FGL1: variants seen among roughly 807,000 people sequenced by gnomAD.
The protein encoded by FGL1 is fibrinogen-like protein 1.
Under a neutral mutation model 43.7 loss-of-function variants are expected in FGL1, and 59 were observed. The ratio of observed to expected loss-of-function variants is 1.35; its 90% CI spans 1.10 to 1.68. FGL1 has a LOEUF of 1.68. Ranked by LOEUF, FGL1 falls within the 40% of genes most tolerant of loss-of-function variation. The probability of loss-of-function intolerance (pLI) is 0.00; values close to 1 mark genes in which losing one functional copy is unlikely to be tolerated. For missense variants in FGL1, 596 were observed against 373.0 expected, an observed-to-expected ratio of 1.60 and a Z score of -4.92; for synonymous variants, 192 against 126.5, an observed-to-expected ratio of 1.52 and a Z score of -3.48.
intron 5 of FGL1, 66 bp downstream of exon 5, chr8:17,873,953 T>C (rs1011170219): frequency 7.2e-6 from 9 of 1,252,154 alleles, no homozygotes; most frequent in Non-Finnish European, 9.8e-6. Context: ...TATAATTTGG[T>C]TAAAAAAAAA....
At chr8:17,876,155 T>C (rs945991846) in intron 3 of FGL1, among the ~76,000 whole-genome samples, 1 of 152,204 alleles carries the variant, frequency 6.6e-6, no homozygotes, top group Non-Finnish European at 1.5e-5. Flanking sequence ...TTTACCCTTA[T>C]CGCTTTGTTA....
Position 17,874,009 on chromosome 8 carries a change from C to T in FGL1, c.502+10G>A, listed in dbSNP as rs961830746. On this transcript the variant is annotated intron_variant, in intron 5 of 7. Transcript: ENST00000427924. ...TATTTCAAATAAATCTGACATCATT[C>T]AAACCTTACCTTGAGTGGTCAAGAA... 7 of 1,570,330 alleles carry T rather than the reference C, an allele frequency of 4.5e-6. No homozygotes were observed. In the Admixed American group the frequency reaches 6.1e-5, roughly 14 times the overall value.
intron 5 of FGL1, 81 bp downstream of exon 5, chr8:17,873,918 CAATTATTGAATTAGTTCCAT>C: frequency 2.9e-6 from 2 of 689,832 alleles, no homozygotes; most frequent in Non-Finnish European, 4.5e-6. Context: ...CAAATCATAG[CAATTATTGAATTAGTTCCAT>C]TGCCTATAAT....
In FGL1 at chr8:17,864,706, G is replaced by T; in HGVS notation, c.825C>A (p.Tyr275Ter). The change falls in exon 8 of 8, where the codon TAC becomes TAA. Residue 275 changes from tyrosine to a stop codon, truncating the protein, a stop_gained. Coordinates refer to ENST00000427924, the MANE Select transcript of FGL1 (RefSeq NM_004467.4). LOFTEE classifies it high-confidence loss of function. ...NLNGVYYSGP[Y>*]TAKTDNGIVW... ...CAATCCCATTGTCTGTTTTAGCCGT[G>T]TAGGGGCCGCTGTAGTATACACCAT... 6.2e-7 allele frequency: 1 copy of T among 1,612,738 alleles called. No homozygotes were observed. Among genetic ancestry groups the T allele is most frequent in the Non-Finnish European group, 8.5e-7 (1 of 1,179,620 alleles).
At position 17,864,662 on chromosome 8, in the gene FGL1, C is replaced by T. The variant is rs1173998974; in HGVS notation, c.869G>A (p.Gly290Glu). Residue 290 changes from glycine (G) to glutamate (E), a missense_variant, in exon 8 of 8, where the codon GGG (glycine) becomes GAG (glutamate). Transcript: ENST00000427924. The part of the protein sequence containing the change: ...DNGIVWYTWH[G>E]WWYSLKSVVM... Reference sequence around the variant, plus strand: ...CACAGATTTCAGAGAATACCACCACCCATGCCAGGTGTACCAGACAATCCC... The same window carrying T: ...CACAGATTTCAGAGAATACCACCACTCATGCCAGGTGTACCAGACAATCCC... 1.2e-6 allele frequency: 2 copies of T among 1,613,790 alleles called. No individual in the cohort carries two copies. The highest frequency in any genetic ancestry group is 3.3e-5 in the Admixed American group (2 of 59,902).
intron 3 of FGL1, among the ~76,000 whole-genome samples, chr8:17,879,353 G>C (rs749036011): frequency 1.3e-5 from 2 of 152,044 alleles, no homozygotes; most frequent in Non-Finnish European, 2.9e-5. Context: ...CTCCCCAGCA[G>C]TGTCAACACA....
intron 3 of FGL1, among the ~76,000 whole-genome samples, chr8:17,879,529 A>T (rs995198260): frequency 6.6e-6 from 1 of 152,036 alleles, no homozygotes; most frequent in African/African-American, 2.4e-5. Flanking sequence ...GGTACTCTAC[A>T]GTGAGTGGTG....
intron 1 of FGL1, among the ~76,000 whole-genome samples, chr8:17,888,445 T>G (rs566113407): frequency 3.9e-5 from 6 of 152,362 alleles, no homozygotes; most frequent in South Asian, 2.1e-4. Flanking sequence ...AGTCATCATT[T>G]GCAATGCAGT....
At chr8:17,892,193 A>C (rs2053715037) in intron 1 of FGL1, among the ~76,000 whole-genome samples, 1 of 152,220 alleles carries the variant, frequency 6.6e-6, no homozygotes, top group Admixed American at 6.5e-5. Context: ...AAAGGAAAAA[A>C]ATAAATGCCC....
intron 7 of FGL1, among the ~76,000 whole-genome samples, 173 bp from the exon 8 acceptor site, chr8:17,864,924 G>T (rs1239277051): frequency 1.3e-5 from 2 of 151,916 alleles, no homozygotes; most frequent in Non-Finnish European, 2.9e-5. Context: ...TACAACAGAT[G>T]GCTATTGTAT....
intron 1 of FGL1, among the ~76,000 whole-genome samples, chr8:17,890,321 A>G (rs1179416317): frequency 2.0e-5 from 3 of 152,210 alleles, no homozygotes; most frequent in African/African-American, 7.2e-5. Context: ...ATATTTGGTC[A>G]TTCACCGACA....
intron 6 of FGL1, 39 bp downstream of exon 6, chr8:17,868,877 C>T (rs570007513): frequency 1.1e-5 from 17 of 1,502,258 alleles, no homozygotes; most frequent in Non-Finnish European, 1.5e-5. Flanking sequence ...ACATTTTAAG[C>T]ATTTATTCAC....
At chr8:17,873,974 G>GT (rs1321023421) in intron 5 of FGL1, 45 bp downstream of exon 5, 1 of 1,422,928 alleles carries the variant, frequency 7.0e-7, no homozygotes, top group South Asian at 1.4e-5. Context: ...TTTTAGTGTT[G>GT]TTTTTATTAT....
At chr8:17,875,156 C>T (rs1205683282) in intron 3 of FGL1, among the ~76,000 whole-genome samples, 1 of 152,104 alleles carries the variant, frequency 6.6e-6, no homozygotes, top group East Asian at 1.9e-4. Flanking sequence ...AAAATGAACC[C>T]AAAATAGTAA....
At chr8:17,878,035 G>A (rs1354783323) in intron 3 of FGL1, among the ~76,000 whole-genome samples, 1 of 152,092 alleles carries the variant, frequency 6.6e-6, no homozygotes, top group African/African-American at 2.4e-5. Flanking sequence ...GGCACAGTCA[G>A]CTCACTGCAG....
rs895708998 is a variant in FGL1 at position 17,871,523 on chromosome 8, TATAAC to T, written c.502+2491_502+2495del. ...AAAAACAAAAAAAAAAAACTTCTAT[TATAAC>T]AGAGACATAAAGACTCAATTTTTTG... On this transcript the variant is annotated intron_variant, in intron 5 of 7. Coordinates refer to ENST00000427924, the MANE Select transcript of FGL1 (RefSeq NM_004467.4). 5.8e-4 allele frequency among the ~76,000 whole-genome samples: 88 copies of T among 152,026 alleles called. 1 individual carries two copies. Among genetic ancestry groups the T allele is most frequent in the South Asian group, 4.8e-3 (23 of 4,802 alleles).
intron 5 of FGL1, among the ~76,000 whole-genome samples, chr8:17,871,250 T>A (rs2053355356): frequency 6.6e-6 from 1 of 152,068 alleles, no homozygotes. Flanking sequence ...TCAAGCACTT[T>A]GGGAGGCTAA....
chr8:17,885,193 A>T (rs1301562511), intron 2 of FGL1, among the ~76,000 whole-genome samples: 23 of 152,104 alleles, frequency 1.5e-4, no homozygotes. Flanking sequence ...GATGCGTGCC[A>T]TCACGCCCGG....
intron 3 of FGL1, among the ~76,000 whole-genome samples, chr8:17,877,888 T>C (rs2053479874): frequency 6.6e-6 from 1 of 152,188 alleles, no homozygotes. Flanking sequence ...AAGGCTATAA[T>C]AATGTCCATA....
Sources: allele counts gnomAD v4.1 joint callset (sites outside exome capture counted in the v4.1 genomes callset), GRCh38; gene constraint gnomAD v4.1.1; transcripts MANE v1.5; gene names NCBI Gene and HGNC (gene_info 2026-07-23, HGNC 2026-07-21).